The following MYO1D variants were observed in gnomAD, a reference collection of about 807,000 sequenced individuals.
MYO1D encodes myosin ID, also known as unconventional myosin-Id.
In MYO1D, 83 loss-of-function variants were observed where a neutral mutation model predicts 122.0. The ratio of observed to expected loss-of-function variants is 0.68; its 90% CI spans 0.57 to 0.82. The LOEUF (loss-of-function observed/expected upper bound fraction) is 0.82, where lower values mean the gene tolerates loss of function less well. MYO1D is among the 40% of genes least tolerant of loss of function. The pLI is 0.00. For synonymous variants in MYO1D, 464 were observed against 446.9 expected, an observed-to-expected ratio of 1.04 and a Z score of -0.48; for missense variants, 1,157 against 1,269.5, an observed-to-expected ratio of 0.91 and a Z score of 1.35.
chr17:32,736,700 GAAAAC>G (rs1195291435), intron 14 of MYO1D, among the ~76,000 whole-genome samples: 4 of 152,206 alleles, frequency 2.6e-5, no homozygotes, highest in African/African-American at 9.6e-5. Context: ...ACCAAGTTTA[GAAAAC>G]AAAACAATTC....
intron 21 of MYO1D, among the ~76,000 whole-genome samples, chr17:32,571,626 T>C (rs2087229132): frequency 6.6e-6 from 1 of 152,194 alleles, no homozygotes; most frequent in Admixed American, 6.5e-5. Flanking sequence ...CTTGGTAGCA[T>C]ATCCACTGCC....
At chr17:32,830,926 C>T (rs954523484) in intron 1 of MYO1D, among the ~76,000 whole-genome samples, 6 of 152,028 alleles carry the variant, frequency 3.9e-5, no homozygotes, top group African/African-American at 1.5e-4. Context: ...CGTGGTGGCA[C>T]GCACCTACAG....
chr17:32,539,465 G>T (rs527825839), intron 21 of MYO1D, among the ~76,000 whole-genome samples: 1 of 152,258 alleles, frequency 6.6e-6, no homozygotes, highest in East Asian at 1.9e-4. Flanking sequence ...CTTTTTTACA[G>T]TTCTGGAGTC....
intron 1 of MYO1D, among the ~76,000 whole-genome samples, chr17:32,852,941 T>C (rs1179734982): frequency 2.0e-5 from 3 of 152,182 alleles, no homozygotes; most frequent in Admixed American, 2.0e-4. Flanking sequence ...CTGTAACACC[T>C]ATGTCCTGAC....
At chr17:32,608,212 G>T (rs73278285) in intron 20 of MYO1D, among the ~76,000 whole-genome samples, 2,872 of 152,210 alleles carry the variant, frequency 0.019, 82 homozygotes, top group African/African-American at 0.064. Context: ...CCACAGACTG[G>T]TAGAAAATAT....
In MYO1D at chr17:32,656,904, T is replaced by A. The variant is rs531064088; in HGVS notation, c.2345+2211A>T. ...GTCTGTTTCCAGTCTACAAACCTGG[T>A]CAGCCTGTCCTGTCTTCACTGCCCA... On this transcript the variant is annotated intron_variant, in intron 17 of 21. Transcript: ENST00000318217. Among the ~76,000 whole-genome samples the A allele has an allele frequency of 7.0e-4, 107 of 152,312 alleles. 2 individuals carry two copies. Among genetic ancestry groups the A allele is most frequent in the African/African-American group, 2.5e-3 (103 of 41,576 alleles).
chr17:32,494,709 AC>A lies in MYO1D; in HGVS notation c.*49del. Reference sequence around the variant, plus strand: ...GTTGGGAGGCAGCAGCTGGACTGGGACCCAGGACTCGGAGTGTGGCCGGGCT... The same window carrying A: ...GTTGGGAGGCAGCAGCTGGACTGGGACCAGGACTCGGAGTGTGGCCGGGCT... On this transcript the variant is annotated 3_prime_UTR_variant, in exon 22 of 22. Coordinates refer to ENST00000318217, the MANE Select transcript of MYO1D (RefSeq NM_015194.3). 6.5e-7 allele frequency: 1 copy of A among 1,528,902 alleles called. No individual in the cohort carries two copies. The highest frequency in any genetic ancestry group is 8.8e-7 in the Non-Finnish European group (1 of 1,139,248). The allele number at this position is 1,528,902 out of a possible 1,614,324, so 94.7% of individuals were successfully genotyped here.
At chr17:32,703,323 A>C (rs1263615219) in intron 16 of MYO1D, among the ~76,000 whole-genome samples, 1 of 152,188 alleles carries the variant, frequency 6.6e-6, no homozygotes, top group East Asian at 1.9e-4. Flanking sequence ...CTATTCTTTC[A>C]ATTTATCTAC....
intron 21 of MYO1D, among the ~76,000 whole-genome samples, chr17:32,556,638 G>A (rs1049367066): frequency 4.6e-5 from 7 of 151,066 alleles, no homozygotes; most frequent in African/African-American, 1.7e-4. Context: ...TCCCACCTCA[G>A]CCTCCCAAAG....
chr17:32,854,002 G>A (rs1389483476), intron 1 of MYO1D, among the ~76,000 whole-genome samples: 2 of 152,112 alleles, frequency 1.3e-5, no homozygotes, highest in Non-Finnish European at 2.9e-5. Context: ...GAATACACTT[G>A]AAAGTCACCT....
chr17:32,725,866 C>T (rs948980052), intron 14 of MYO1D, among the ~76,000 whole-genome samples: 1 of 151,966 alleles, frequency 6.6e-6, no homozygotes, highest in African/African-American at 2.4e-5. Context: ...AAAAAGATTA[C>T]CTTAAGGAGC....
intron 1 of MYO1D, among the ~76,000 whole-genome samples, chr17:32,865,397 T>G (rs1406001266): frequency 5.9e-5 from 9 of 152,244 alleles, no homozygotes; most frequent in African/African-American, 9.6e-5. Flanking sequence ...TTCATTTGCT[T>G]CTTCTGCATA....
intron 16 of MYO1D, among the ~76,000 whole-genome samples, chr17:32,683,078 G>A (rs1289677183): frequency 2.5e-5 from 3 of 118,724 alleles, no homozygotes; most frequent in Non-Finnish European, 3.4e-5. Context: ...CGTAGTTCTC[G>A]AGCCTTGGTT....
chr17:32,721,138 T>C lies in MYO1D; in HGVS notation c.1798A>G (p.Ile600Val), dbSNP rs1449488329. 5 of 1,614,156 alleles carry C rather than the reference T, an allele frequency of 3.1e-6. No homozygotes were observed. Among genetic ancestry groups the C allele is most frequent in the Non-Finnish European group, 3.4e-6 (4 of 1,180,000 alleles). ...IKPNDKKSPQIFDDERCRHQV... is the reference protein window; with the variant it reads ...IKPNDKKSPQVFDDERCRHQV... Reference sequence around the variant, plus strand: ...TGCCGGCAGCGTTCATCATCAAATATCTGTGGAGATTTCTTGTCATTGGGT... The same window carrying C: ...TGCCGGCAGCGTTCATCATCAAATACCTGTGGAGATTTCTTGTCATTGGGT... Residue 600 changes from isoleucine to valine, a missense_variant, in exon 15 of 22, where the codon ATA (isoleucine) becomes GTA (valine). Transcript: ENST00000318217.
chr17:32,816,659 C>T (rs1342165292), intron 1 of MYO1D, among the ~76,000 whole-genome samples: 1 of 152,118 alleles, frequency 6.6e-6, no homozygotes, highest in Non-Finnish European at 1.5e-5. Context: ...CATATTTATA[C>T]TATGTATTTA....
At chr17:32,777,318 C>A (rs1312809531) in intron 3 of MYO1D, among the ~76,000 whole-genome samples, 1 of 152,130 alleles carries the variant, frequency 6.6e-6, no homozygotes, top group East Asian at 1.9e-4. Context: ...AGTGTAAGTT[C>A]TCTTCTTTTA....
chr17:32,526,540 C>T (rs1429610186), intron 21 of MYO1D, among the ~76,000 whole-genome samples: 2 of 152,036 alleles, frequency 1.3e-5, no homozygotes, highest in African/African-American at 2.4e-5. Flanking sequence ...ACATCTTACC[C>T]GGATAACTGA....
chr17:32,875,610 G>C (rs2091221201), intron 1 of MYO1D, among the ~76,000 whole-genome samples: 1 of 152,072 alleles, frequency 6.6e-6, no homozygotes, highest in African/African-American at 2.4e-5. Flanking sequence ...TTAATATTTG[G>C]GGTGATTTCT....
At chr17:32,518,563 C>T (rs1341170802) in intron 21 of MYO1D, 1 of 152,192 alleles carries the variant, frequency 6.6e-6, no homozygotes, top group African/African-American at 2.4e-5. Flanking sequence ...TTCCTTCCAC[C>T]CCTATCACCT....
Sources: gnomAD v4.1 joint callset for allele counts (sites outside exome capture counted in the v4.1 genomes callset) on GRCh38, gnomAD v4.1.1 for gene constraint, MANE v1.5 for transcripts, NCBI Gene and HGNC (gene_info 2026-07-23, HGNC 2026-07-21) for gene names.